The following TENM2 variants were observed in gnomAD, a reference collection of about 807,000 sequenced individuals.
The protein encoded by TENM2 is teneurin transmembrane protein 2, also known as teneurin-2.
A neutral mutation model predicts 245.2 loss-of-function variants in TENM2; 52 were observed. The observed-to-expected ratio is 0.21, with a 90% CI of 0.17 to 0.27. The LOEUF (loss-of-function observed/expected upper bound fraction) is 0.27. Ranked by LOEUF, TENM2 falls within the 10% of genes least tolerant of loss-of-function variation. The probability of loss-of-function intolerance (pLI) is 1.00; values close to 1 mark genes in which losing one functional copy is unlikely to be tolerated. For synonymous variants in TENM2, 1,363 were observed against 1,438.9 expected (o/e 0.95, Z 1.19); for missense variants, 3,046 against 3,666.8 (o/e 0.83, Z 4.37).
At chr5:167,030,321 G>T in the TENM2 span, among the ~76,000 whole-genome samples, 2 of 152,078 alleles carry the variant, frequency 1.3e-5, no homozygotes, top group African/African-American at 4.8e-5. Context: ...AAATAAAATA[G>T]AATCCAAATT....
At chr5:167,410,111 A>G (rs1405661024) in intron 2 of TENM2, among the ~76,000 whole-genome samples, 1 of 152,022 alleles carries the variant, frequency 6.6e-6, no homozygotes, top group African/African-American at 2.4e-5. Flanking sequence ...CATGTAGACA[A>G]TTTTGTGGCC....
intron 2 of TENM2, among the ~76,000 whole-genome samples, chr5:167,493,765 G>A (rs960460395): frequency 2.7e-4 from 41 of 151,926 alleles, no homozygotes; most frequent in African/African-American, 9.2e-4. Flanking sequence ...TCATTTATTC[G>A]GCATATATGT....
intron 12 of TENM2, among the ~76,000 whole-genome samples, chr5:168,137,793 C>T (rs1000569706): frequency 1.3e-5 from 2 of 152,182 alleles, no homozygotes; most frequent in African/African-American, 4.8e-5. Flanking sequence ...ATGTTACTGT[C>T]AACTTCTTGC....
At chr5:167,076,595 C>T in the TENM2 span, among the ~76,000 whole-genome samples, 19 of 152,134 alleles carry the variant, frequency 1.2e-4, no homozygotes, top group East Asian at 1.7e-3. Context: ...CTTTTCTTCC[C>T]GTTTAAATGG....
chr5:167,651,924 G>C (rs1268388581), intron 2 of TENM2, among the ~76,000 whole-genome samples: 1 of 152,162 alleles, frequency 6.6e-6, no homozygotes, highest in Non-Finnish European at 1.5e-5. Context: ...CAGTCATTAA[G>C]AGCACAGAAT....
intron 2 of TENM2, among the ~76,000 whole-genome samples, chr5:167,489,614 T>C (rs901075700): frequency 1.3e-5 from 2 of 152,218 alleles, no homozygotes; most frequent in Non-Finnish European, 2.9e-5. Flanking sequence ...TAAGATACTC[T>C]ACAGTATGCT....
intron 2 of TENM2, among the ~76,000 whole-genome samples, chr5:167,470,487 G>A (rs1454945944): frequency 4.7e-5 from 2 of 42,470 alleles, no homozygotes; most frequent in African/African-American, 1.7e-4. Flanking sequence ...GCTTATGGAA[G>A]GCTATTTTCC....
chr5:167,285,445 TTC>T (rs1333853279), intron 1 of TENM2, among the ~76,000 whole-genome samples: 2 of 152,218 alleles, frequency 1.3e-5, no homozygotes, highest in African/African-American at 2.4e-5. Context: ...AGTTATACGT[TTC>T]TCTTTTTGTG....
chr5:168,039,600 G>A (rs1280649425), intron 5 of TENM2, among the ~76,000 whole-genome samples: 2 of 152,018 alleles, frequency 1.3e-5, no homozygotes, highest in African/African-American at 4.8e-5. Context: ...GGTGGGAAAC[G>A]ACACTCTGTG....
the TENM2 span, among the ~76,000 whole-genome samples, chr5:167,155,054 G>T: frequency 6.6e-6 from 1 of 152,080 alleles, no homozygotes; most frequent in Admixed American, 6.5e-5. Context: ...CTTTGATATT[G>T]CTGATGAATT....
At chr5:168,097,162 A>G (rs887476223) in intron 8 of TENM2, among the ~76,000 whole-genome samples, 4 of 152,250 alleles carry the variant, frequency 2.6e-5, no homozygotes, top group African/African-American at 4.8e-5. Flanking sequence ...TTCTTTTATT[A>G]GAATTCCTTA....
chr5:167,623,769 T>G (rs549718562), intron 2 of TENM2, among the ~76,000 whole-genome samples: 2 of 152,326 alleles, frequency 1.3e-5, no homozygotes, highest in African/African-American at 4.8e-5. Flanking sequence ...TTTGGTTTTG[T>G]TTCCTTTTTA....
intron 15 of TENM2, among the ~76,000 whole-genome samples, chr5:168,198,576 C>A (rs34571245): frequency 0.24 from 36,535 of 152,110 alleles, 5,110 homozygotes; most frequent in East Asian, 0.4. Context: ...GCTCTACACT[C>A]ATGATGTTTC....
At chr5:167,642,166 A>G (rs1459499649) in intron 2 of TENM2, among the ~76,000 whole-genome samples, 1 of 150,040 alleles carries the variant, frequency 6.7e-6, no homozygotes, top group African/African-American at 2.5e-5. Context: ...ATATGTATAT[A>G]TATATATAAA....
At chr5:167,706,401 A>G (rs1432977771) in intron 2 of TENM2, among the ~76,000 whole-genome samples, 2 of 149,368 alleles carry the variant, frequency 1.3e-5, no homozygotes, top group Non-Finnish European at 3.0e-5. Context: ...CTATATATAT[A>G]TATATAAGAA....
intron 7 of TENM2, among the ~76,000 whole-genome samples, chr5:168,075,185 T>A (rs966108689): frequency 6.6e-6 from 1 of 152,198 alleles, no homozygotes; most frequent in Non-Finnish European, 1.5e-5. Context: ...GAACATACAA[T>A]GTTTGGTTTT....
At chr5:167,233,953 C>A in the TENM2 span, among the ~76,000 whole-genome samples, 10 of 150,380 alleles carry the variant, frequency 6.6e-5, no homozygotes, top group East Asian at 9.7e-4. Context: ...AAAAAAAGAA[C>A]CTTATGGTTT....
intron 23 of TENM2, among the ~76,000 whole-genome samples, chr5:168,221,382 C>T (rs1381842670): frequency 6.6e-6 from 1 of 152,132 alleles, no homozygotes; most frequent in Non-Finnish European, 1.5e-5. Context: ...CGAAGTGACT[C>T]CCCTAAGACC....
chr5:167,949,656 A>G (rs1779922331), intron 3 of TENM2, among the ~76,000 whole-genome samples: 2 of 152,196 alleles, frequency 1.3e-5, no homozygotes, highest in African/African-American at 4.8e-5. Context: ...TGAGAATGAA[A>G]GAAATGAGGT....
Sources: allele counts gnomAD v4.1 joint callset (sites outside exome capture counted in the v4.1 genomes callset), GRCh38; gene constraint gnomAD v4.1.1; transcripts MANE v1.5; gene names NCBI Gene and HGNC (gene_info 2026-07-23, HGNC 2026-07-21).